Variants in CNTN6 observed in about 807,000 individuals in gnomAD.
CNTN6 encodes the protein contactin 6, also known as contactin-6.
In CNTN6, 137 loss-of-function variants were observed where a neutral mutation model predicts 122.8. The ratio of observed to expected loss-of-function variants is 1.12; its 90% CI spans 0.97 to 1.29. CNTN6 has a LOEUF of 1.29. Ranked by LOEUF, CNTN6 falls within the 50% of genes most tolerant of loss-of-function variation. CNTN6 has a pLI of 0.00. For synonymous variants in CNTN6, 570 were observed against 426.0 expected (o/e 1.34, Z -4.16); for missense variants, 1,634 against 1,223.4 (o/e 1.34, Z -5.01).
At chr3:1,298,015 G>C in intron 7 of CNTN6, 24 bp downstream of exon 7, 1 of 1,139,240 alleles carries the variant, frequency 8.8e-7, no homozygotes, top group South Asian at 1.4e-5. Context: ...TTTTGTTTTT[G>C]TTTTCCTGGT....
chr3:1,329,955 T>TA lies in CNTN6; in HGVS notation c.1364+25dup, dbSNP rs755461898. 8 of 1,502,148 alleles carry TA rather than the reference T, an allele frequency of 5.3e-6. No homozygotes were observed. The highest frequency in any genetic ancestry group is 7.1e-6 in the Non-Finnish European group (8 of 1,128,116). The allele number at this position is 1,502,148 out of a possible 1,614,324, so 93.1% of individuals were successfully genotyped here. A position where few individuals can be genotyped will look rare whatever the true frequency, so the allele number is the denominator to read the frequency against. ...CAAAAGGTAAACAAATCTTTATTTT[T>TA]AAAAATATTTTTGTTTGTAATATAA... On this transcript the variant is annotated intron_variant, in intron 11 of 22. Transcript: ENST00000446702.
chr3:1,118,467 G>T (rs572486956), intron 1 of CNTN6, among the ~76,000 whole-genome samples: 1 of 152,118 alleles, frequency 6.6e-6, no homozygotes, highest in African/African-American at 2.4e-5. Flanking sequence ...AAACAATTTG[G>T]CCAAGATTCA....
chr3:1,157,738 A>G (rs956628913), intron 2 of CNTN6, among the ~76,000 whole-genome samples: 3 of 152,100 alleles, frequency 2.0e-5, no homozygotes, highest in Admixed American at 6.6e-5. Flanking sequence ...TCCCATAAGT[A>G]AGTGAGAACA....
chr3:1,284,516 A>G (rs1694018184), intron 5 of CNTN6, among the ~76,000 whole-genome samples: 1 of 152,178 alleles, frequency 6.6e-6, no homozygotes, highest in Non-Finnish European at 1.5e-5. Flanking sequence ...CGTATTATTG[A>G]ACTTGTACAC....
At chr3:1,212,225 T>G (rs887997438) in intron 2 of CNTN6, among the ~76,000 whole-genome samples, 3 of 151,558 alleles carry the variant, frequency 2.0e-5, no homozygotes, top group Admixed American at 2.0e-4. Context: ...TATTCCAAAG[T>G]TCTTGCCTTA....
At chr3:1,257,347 A>AT (rs1203182144) in intron 4 of CNTN6, among the ~76,000 whole-genome samples, 1 of 152,154 alleles carries the variant, frequency 6.6e-6, no homozygotes, top group Non-Finnish European at 1.5e-5. Flanking sequence ...TAGCAAAGAA[A>AT]TTGTTTTGTA....
At position 1,295,302 on chromosome 3, in the gene CNTN6, G is replaced by A. The variant is rs78068705; in HGVS notation, c.455-299G>A. Among the ~76,000 whole-genome samples, 43 of 152,172 alleles carry A rather than the reference G, an allele frequency of 2.8e-4. No individual in the cohort carries two copies. The East Asian group carries it at 4.2e-3, about 15-fold the overall frequency. On this transcript the variant is annotated intron_variant, in intron 5 of 22. Coordinates refer to ENST00000446702, the MANE Select transcript of CNTN6 (RefSeq NM_001289080.2). ...ATTTGGAACAGTTATTATTTTATAC[G>A]TCTTATGGTATTTCTTAATAAACTC...
chr3:1,106,394 G>A (rs890079604), intron 1 of CNTN6, among the ~76,000 whole-genome samples: 3 of 152,062 alleles, frequency 2.0e-5, no homozygotes, highest in African/African-American at 7.2e-5. Context: ...GACTTTGGCA[G>A]AACATAATGA....
chr3:1,370,387 T>C (rs934092332), intron 12 of CNTN6, among the ~76,000 whole-genome samples: 5 of 151,978 alleles, frequency 3.3e-5, no homozygotes, highest in Middle Eastern at 3.2e-3. Flanking sequence ...TTAAGAGATA[T>C]ACCTAATGCT....
intron 12 of CNTN6, among the ~76,000 whole-genome samples, chr3:1,371,277 T>C (rs1193242169): frequency 6.6e-6 from 1 of 152,102 alleles, no homozygotes; most frequent in Admixed American, 6.6e-5. Flanking sequence ...CTTTATCTTA[T>C]AAATTACCCA....
At chr3:1,200,197 C>T (rs1025118678) in intron 2 of CNTN6, among the ~76,000 whole-genome samples, 1 of 152,292 alleles carries the variant, frequency 6.6e-6, no homozygotes, top group Non-Finnish European at 1.5e-5. Context: ...CCACGCCTGG[C>T]TAATTTTTGT....
Position 1,218,080 on chromosome 3 carries a change from G to C in CNTN6, c.56-2607G>C, listed in dbSNP as rs1575282646. 1.3e-5 allele frequency among the ~76,000 whole-genome samples: 2 copies of C among 152,168 alleles called. 1 individual carries two copies. The highest frequency in any genetic ancestry group is 4.2e-4 in the South Asian group (2 of 4,818). On this transcript the variant is annotated intron_variant, in intron 2 of 22. Transcript: ENST00000446702. ...CACAGCAGTCCAGCCTGAGGTGCTGGAACCTGAGAGAGGCGAGAGAGGCAT... is the reference window on the plus strand; with the variant it reads ...CACAGCAGTCCAGCCTGAGGTGCTGCAACCTGAGAGAGGCGAGAGAGGCAT...
chr3:1,269,782 C>G (rs962154160), intron 4 of CNTN6, among the ~76,000 whole-genome samples: 15 of 152,084 alleles, frequency 9.9e-5, no homozygotes, highest in African/African-American at 3.6e-4. Flanking sequence ...TTACTATTAT[C>G]CTATCTATTT....
chr3:1,145,007 G>T (rs916742157), intron 1 of CNTN6, among the ~76,000 whole-genome samples: 1 of 152,102 alleles, frequency 6.6e-6, no homozygotes, highest in African/African-American at 2.4e-5. Context: ...CTGTTTTTGG[G>T]TGTTAGAGAT....
intron 7 of CNTN6, among the ~76,000 whole-genome samples, chr3:1,313,153 A>G (rs761994841): frequency 1.3e-5 from 2 of 151,976 alleles, no homozygotes; most frequent in African/African-American, 4.8e-5. Flanking sequence ...CTCTCCTAAG[A>G]GCAGCAGAGG....
At chr3:1,344,106 T>C (rs892344262) in intron 11 of CNTN6, among the ~76,000 whole-genome samples, 4 of 152,258 alleles carry the variant, frequency 2.6e-5, no homozygotes, top group East Asian at 3.9e-4. Context: ...TCTCAGTTTT[T>C]TGATGTGGGG....
chr3:1,252,048 C>T (rs1007645704), intron 4 of CNTN6, among the ~76,000 whole-genome samples: 1 of 152,124 alleles, frequency 6.6e-6, no homozygotes, highest in African/African-American at 2.4e-5. Context: ...ACAAAGGCAG[C>T]CTCTTTCTTT....
intron 2 of CNTN6, among the ~76,000 whole-genome samples, chr3:1,163,712 C>T (rs2093184900): frequency 6.6e-6 from 1 of 152,194 alleles, no homozygotes; most frequent in Non-Finnish European, 1.5e-5. Context: ...CTACTGTGCC[C>T]AGCAAAGCTC....
intron 2 of CNTN6, among the ~76,000 whole-genome samples, chr3:1,218,997 A>AG (rs34630969): frequency 0.49 from 74,757 of 152,138 alleles, 20,924 homozygotes; most frequent in African/African-American, 0.76. Context: ...GACATGCCAA[A>AG]GGCAAGCCAT....
Sources: allele counts gnomAD v4.1 joint callset (sites outside exome capture counted in the v4.1 genomes callset), GRCh38; gene constraint gnomAD v4.1.1; transcripts MANE v1.5; gene names NCBI Gene and HGNC (gene_info 2026-07-23, HGNC 2026-07-21).